The following WDR88 variants were observed in gnomAD, a reference collection of about 807,000 sequenced individuals.
The protein encoded by WDR88 is WD repeat domain 88, also known as WD repeat-containing protein 88.
WDR88 carries 40 observed loss-of-function variants against 46.8 expected under a neutral mutation model. That is an observed-to-expected ratio of 0.86 (90% CI 0.66 to 1.11). The LOEUF (loss-of-function observed/expected upper bound fraction) is 1.11, where lower values mean the gene tolerates loss of function less well. Ranked by LOEUF, WDR88 falls within the 50% of genes most tolerant of loss-of-function variation. The pLI, the probability that WDR88 is intolerant of heterozygous loss-of-function variation, is 0.00. For synonymous variants in WDR88, 235 were observed against 240.7 expected (o/e 0.98, Z 0.22); for missense variants, 562 against 602.4 (o/e 0.93, Z 0.70).
chr19:33,149,594 C>T (rs1376169039), intron 5 of WDR88, among the ~76,000 whole-genome samples: 2 of 152,182 alleles, frequency 1.3e-5, no homozygotes, highest in East Asian at 3.9e-4. Flanking sequence ...GAGGGATCCT[C>T]CTGCCTCAGC....
Position 33,156,397 on chromosome 19 carries a change from T to C in WDR88, c.852T>C (p.Ser284=). 2 of 1,614,188 alleles carry C rather than the reference T, an allele frequency of 1.2e-6. No individual in the cohort carries two copies. Among genetic ancestry groups the C allele is most frequent in the Non-Finnish European group, 1.7e-6 (2 of 1,180,032 alleles). ...NAISNCCFTF[S]GHFLCTSSWD... is the part of the protein sequence containing the mutation. Reference sequence around the variant, plus strand: ...TCTCAAACTGCTGTTTTACCTTCAGTGGCCATTTCCTGTGTACAAGCTCCT... The same window carrying C: ...TCTCAAACTGCTGTTTTACCTTCAGCGGCCATTTCCTGTGTACAAGCTCCT... Residue 284 remains serine, a synonymous_variant, in exon 7 of 11, where the codon AGT becomes AGC. Coordinates refer to ENST00000355868, the MANE Select transcript of WDR88 (RefSeq NM_173479.4).
At chr19:33,163,330 C>CT (rs1409031311) in intron 8 of WDR88, among the ~76,000 whole-genome samples, 1 of 129,344 alleles carries the variant, frequency 7.7e-6, no homozygotes, top group Non-Finnish European at 1.6e-5. Context: ...GAGACTCCGT[C>CT]TCAAAAAAAA....
At chr19:33,157,686 T>C (rs1314940939) in intron 7 of WDR88, among the ~76,000 whole-genome samples, 1 of 962 alleles carries the variant, frequency 1.0e-3, no homozygotes, top group African/African-American at 3.7e-3. Context: ...TGTGTATGTA[T>C]GTATATATAT....
intron 1 of WDR88, 131 bp from the exon 2 acceptor site, chr19:33,137,546 C>A (rs1973296301): frequency 2.5e-6 from 2 of 791,042 alleles, no homozygotes; most frequent in East Asian, 3.0e-5. Context: ...AACCACCCCC[C>A]TGGCCAGAAT....
intron 1 of WDR88, among the ~76,000 whole-genome samples, chr19:33,133,198 T>TAAATAAATAAATAGAGAG (rs1555723214): frequency 1.3e-5 from 1 of 79,722 alleles, no homozygotes. Flanking sequence ...TAAATAAATA[T>TAAATAAATAAATAGAGAG]AGAGAGAGAG....
At chr19:33,173,122 G>GAAGA (rs1277035626) in intron 10 of WDR88, among the ~76,000 whole-genome samples, 1 of 133,220 alleles carries the variant, frequency 7.5e-6, no homozygotes, top group Non-Finnish European at 1.6e-5. Context: ...AAAAAAAAGA[G>GAAGA]AAGAAAGAAC....
intron 7 of WDR88, among the ~76,000 whole-genome samples, chr19:33,157,513 GTATATATATGTGTA>G (rs1454890464): frequency 3.2e-5 from 3 of 92,742 alleles, no homozygotes; most frequent in Non-Finnish European, 3.6e-5. Context: ...ATATATATAT[GTATATATATGTGTA>G]TATATATATA....
intron 3 of WDR88, 73 bp downstream of exon 3, chr19:33,145,005 C>T: frequency 7.0e-7 from 1 of 1,428,046 alleles, no homozygotes. Context: ...ATGCCTGTGA[C>T]ATTTTTGTTT....
intron 9 of WDR88, among the ~76,000 whole-genome samples, chr19:33,171,228 C>A (rs1200005445): frequency 6.6e-6 from 1 of 152,194 alleles, no homozygotes; most frequent in African/African-American, 2.4e-5. Context: ...TCAGGTGATC[C>A]GCCTGCCTTG....
At chr19:33,171,522 A>G (rs1349757821) in intron 9 of WDR88, among the ~76,000 whole-genome samples, 1 of 152,050 alleles carries the variant, frequency 6.6e-6, no homozygotes, top group Non-Finnish European at 1.5e-5. Context: ...CCATTTTTTT[A>G]TTGCTGCTAT....
At chr19:33,160,602 A>T (rs1599908175) in intron 8 of WDR88, 106 bp downstream of exon 8, 1 of 1,194,172 alleles carries the variant, frequency 8.4e-7, no homozygotes, top group East Asian at 2.3e-5. Flanking sequence ...ACAGGCCTTG[A>T]TGCCTCTGTG....
At chr19:33,153,847 A>G (rs1323772865) in intron 6 of WDR88, among the ~76,000 whole-genome samples, 1 of 152,112 alleles carries the variant, frequency 6.6e-6, no homozygotes, top group Non-Finnish European at 1.5e-5. Context: ...CTATAGGTAA[A>G]AAGTCATTTC....
At chr19:33,158,545 C>T (rs1228370469) in intron 7 of WDR88, among the ~76,000 whole-genome samples, 4 of 152,162 alleles carry the variant, frequency 2.6e-5, no homozygotes, top group African/African-American at 9.7e-5. Context: ...CTAAAGTCAA[C>T]ATTCATGGCA....
rs531469840 is a variant in WDR88 at position 33,170,553 on chromosome 19, T to C, written c.1150-1795T>C. Among the ~76,000 whole-genome samples, 167 of 152,146 alleles carry C rather than the reference T, an allele frequency of 1.1e-3. 1 individual carries two copies. The highest frequency in any genetic ancestry group is 2.1e-3 in the Non-Finnish European group (142 of 68,018). ...GGCACATGTTTAAGGAAGATATCTCTTTCCATTTCTCTAATTGAAAATCTT... is the reference window on the plus strand; with the variant it reads ...GGCACATGTTTAAGGAAGATATCTCCTTCCATTTCTCTAATTGAAAATCTT... On this transcript the variant is annotated intron_variant, in intron 9 of 10. Transcript: ENST00000355868.
chr19:33,140,026 C>T (rs1021992979), intron 2 of WDR88, among the ~76,000 whole-genome samples: 4 of 152,162 alleles, frequency 2.6e-5, no homozygotes, highest in Admixed American at 6.6e-5. Context: ...CCTCCACTCC[C>T]GCCCTCCGTA....
At chr19:33,155,380 A>G (rs1473004365) in intron 6 of WDR88, among the ~76,000 whole-genome samples, 1 of 152,162 alleles carries the variant, frequency 6.6e-6, no homozygotes, top group African/African-American at 2.4e-5. Flanking sequence ...GGCTCAAGCA[A>G]TCCTTCCACC....
At chr19:33,169,153 G>A (rs1439946537) in intron 9 of WDR88, among the ~76,000 whole-genome samples, 3 of 152,128 alleles carry the variant, frequency 2.0e-5, no homozygotes, top group Admixed American at 2.0e-4. Context: ...GAAAACAGTG[G>A]AGAAAATCTT....
In WDR88 at chr19:33,144,882, C is replaced by T. The variant is rs748873673; in HGVS notation, c.426C>T (p.His142=). The T allele has an allele frequency of 6.2e-5, 100 of 1,613,700 alleles. 1 individual carries two copies. The South Asian group carries it at 1.0e-3, about 16-fold the overall frequency. Residue 142 remains histidine (H), a synonymous_variant, in exon 3 of 11, where the codon CAC becomes CAT. Coordinates refer to ENST00000355868, the MANE Select transcript of WDR88 (RefSeq NM_173479.4). ...VDGSVVRDFE[H]RPKAPVVECS... ...GTTCTGTGGTTCGCGATTTTGAGCACAGGCCCAAAGCTCCTGTTGTAGAGT... is the reference window on the plus strand; with the variant it reads ...GTTCTGTGGTTCGCGATTTTGAGCATAGGCCCAAAGCTCCTGTTGTAGAGT...
rs1270958567 is a variant in WDR88 at position 33,144,762 on chromosome 19, G to C, written c.388-82G>C. On this transcript the variant is annotated intron_variant, in intron 2 of 10. Coordinates refer to ENST00000355868, the MANE Select transcript of WDR88 (RefSeq NM_173479.4). ...GATTTTGCTACCAGAGATAAGCTAA[G>C]GGCTAATGTTGACCTCGATTTACGA... The C allele has an allele frequency of 1.8e-5, 23 of 1,267,426 alleles. No individual in the cohort carries two copies. The Admixed American group carries it at 4.1e-4, about 22-fold the overall frequency. 78.5% of individuals were successfully genotyped at this position (1,267,426 alleles called of 1,614,324 possible).
Sources: allele counts gnomAD v4.1 joint callset (sites outside exome capture counted in the v4.1 genomes callset), GRCh38; gene constraint gnomAD v4.1.1; transcripts MANE v1.5; gene names NCBI Gene and HGNC (gene_info 2026-07-23, HGNC 2026-07-21).